Variants in NPNT observed in about 807,000 individuals in gnomAD.
The protein encoded by NPNT is preosteoblast EGF-like repeat protein with MAM domain.
A neutral mutation model predicts 68.6 loss-of-function variants in NPNT; 45 were observed. The ratio of observed to expected loss-of-function variants is 0.66; its 90% CI spans 0.52 to 0.84. The LOEUF (loss-of-function observed/expected upper bound fraction) is 0.84, where lower values mean the gene tolerates loss of function less well. Among genes scored for constraint, NPNT ranks in the 40% least tolerant of loss-of-function variants. The pLI is 0.00. For missense variants in NPNT, 672 were observed against 714.8 expected (o/e 0.94, Z 0.68); for synonymous variants, 233 against 253.3 (o/e 0.92, Z 0.76).
intron 3 of NPNT, among the ~76,000 whole-genome samples, chr4:105,936,222 G>A (rs1265256010): frequency 3.9e-5 from 6 of 152,264 alleles, no homozygotes; most frequent in East Asian, 1.9e-4. Flanking sequence ...GTCCATTAGT[G>A]TTTCCATATG....
intron 10 of NPNT, among the ~76,000 whole-genome samples, chr4:105,960,839 AT>A (rs1220563297): frequency 6.6e-6 from 1 of 152,134 alleles, no homozygotes; most frequent in Non-Finnish European, 1.5e-5. Flanking sequence ...CATCAATTTT[AT>A]TTAATTGTAG....
chr4:105,938,435 C>A lies in NPNT; in HGVS notation c.505+15C>A. On this transcript the variant is annotated intron_variant, in intron 5 of 11. Transcript: ENST00000379987. ...GACCTGTGTAGGTGAGTTGTAAAAT[C>A]AAGCATCTCTGTCAGCAGCCTCTGT... 6.2e-7 allele frequency: 1 copy of A among 1,611,076 alleles called. No homozygotes were observed. Among genetic ancestry groups the A allele is most frequent in the South Asian group, 1.1e-5 (1 of 90,572 alleles).
intron 2 of NPNT, chr4:105,902,732 G>A (rs1240115289): frequency 6.6e-6 from 1 of 152,190 alleles, no homozygotes; most frequent in African/African-American, 2.4e-5. Context: ...GTAACTTCAA[G>A]TGGTCTTGGA....
intron 2 of NPNT, among the ~76,000 whole-genome samples, chr4:105,910,266 G>C (rs898703220): frequency 6.6e-6 from 1 of 152,234 alleles, no homozygotes. Context: ...ACCACGTATA[G>C]TAAAGAACCT....
intron 2 of NPNT, among the ~76,000 whole-genome samples, chr4:105,919,026 G>T (rs1175347123): frequency 6.6e-6 from 1 of 152,110 alleles, no homozygotes; most frequent in Non-Finnish European, 1.5e-5. Flanking sequence ...CAGTCTAACT[G>T]CAGCATCTAT....
intron 2 of NPNT, chr4:105,912,239 G>A: frequency 6.5e-7 from 1 of 1,528,480 alleles, no homozygotes; most frequent in Non-Finnish European, 8.8e-7. Context: ...CAGCTCAAAG[G>A]TTAGATGAAC....
At chr4:105,963,546 G>A (rs533297649) in intron 10 of NPNT, among the ~76,000 whole-genome samples, 22 of 152,152 alleles carry the variant, frequency 1.4e-4, no homozygotes, top group Non-Finnish European at 2.9e-4. Flanking sequence ...ATGCCTCTAA[G>A]AAATGGAAAA....
intron 10 of NPNT, among the ~76,000 whole-genome samples, chr4:105,966,222 T>G (rs1008365194): frequency 3.9e-5 from 6 of 152,206 alleles, no homozygotes; most frequent in Admixed American, 2.0e-4. Context: ...TTGACTGAGA[T>G]AAAATAGCCT....
chr4:105,966,575 T>C (rs1172754667), intron 10 of NPNT, among the ~76,000 whole-genome samples: 1 of 152,164 alleles, frequency 6.6e-6, no homozygotes, highest in Non-Finnish European at 1.5e-5. Context: ...GAGGGTTTCC[T>C]GAATACCTCT....
chr4:105,912,455 G>T, intron 2 of NPNT: 1 of 465,486 alleles, frequency 2.1e-6, no homozygotes, highest in Non-Finnish European at 3.5e-6. Flanking sequence ...TTCCGTTTCA[G>T]TTGATTATTC....
intron 3 of NPNT, among the ~76,000 whole-genome samples, chr4:105,928,630 A>AG (rs1491565142): frequency 1.4e-5 from 2 of 147,966 alleles, no homozygotes; most frequent in Admixed American, 1.4e-4. Context: ...AAAAAAAAAA[A>AG]GAAAAAAAAA....
intron 8 of NPNT, among the ~76,000 whole-genome samples, chr4:105,948,928 G>GT (rs964476547): frequency 6.6e-6 from 1 of 151,962 alleles, no homozygotes; most frequent in African/African-American, 2.4e-5. Context: ...GGGACCCTAG[G>GT]TTTTTTTAGG....
chr4:105,924,856 A>C (rs1167065385), intron 2 of NPNT, among the ~76,000 whole-genome samples: 1 of 152,044 alleles, frequency 6.6e-6, no homozygotes, highest in African/African-American at 2.4e-5. Context: ...GCTTTGAGAG[A>C]GTTTTCCAAA....
At chr4:105,923,133 C>T (rs1306880645) in intron 2 of NPNT, among the ~76,000 whole-genome samples, 2 of 152,138 alleles carry the variant, frequency 1.3e-5, no homozygotes, top group Admixed American at 1.3e-4. Context: ...GGATGACCTA[C>T]TATTCACAGA....
intron 1 of NPNT, 32 bp downstream of exon 1, chr4:105,895,755 T>G: frequency 1.3e-6 from 2 of 1,530,590 alleles, no homozygotes; most frequent in Non-Finnish European, 1.8e-6. Flanking sequence ...CCTCTCCTCC[T>G]TCCCGCGCTA....
chr4:105,908,252 A>G (rs934754174), intron 2 of NPNT, among the ~76,000 whole-genome samples: 1 of 151,586 alleles, frequency 6.6e-6, no homozygotes, highest in Admixed American at 6.6e-5. Context: ...AGGATTTGGC[A>G]TGGGTTATTT....
chr4:105,959,257 CA>C (rs1731490423), intron 10 of NPNT, 131 bp downstream of exon 10: 1 of 599,856 alleles, frequency 1.7e-6, no homozygotes, highest in Non-Finnish European at 3.0e-6. Flanking sequence ...CAAAAAGGAC[CA>C]TGCCTAGCAT....
At chr4:105,949,405 C>T (rs1456575214) in intron 8 of NPNT, among the ~76,000 whole-genome samples, 5 of 152,106 alleles carry the variant, frequency 3.3e-5, no homozygotes, top group African/African-American at 9.7e-5. Context: ...AGTTAGCTCT[C>T]GTTGCCTGGT....
intron 8 of NPNT, among the ~76,000 whole-genome samples, chr4:105,943,453 C>G (rs1297696092): frequency 2.0e-5 from 3 of 151,968 alleles, no homozygotes; most frequent in Admixed American, 2.0e-4. Context: ...CCTTGGATTG[C>G]TGTAAACTGA....
Sources: gnomAD v4.1 joint callset for allele counts (sites outside exome capture counted in the v4.1 genomes callset) on GRCh38, gnomAD v4.1.1 for gene constraint, MANE v1.5 for transcripts, NCBI Gene and HGNC (gene_info 2026-07-23, HGNC 2026-07-21) for gene names.